Variants in C2CD2 observed in about 807,000 individuals in gnomAD.
C2CD2 encodes the protein C2 calcium dependent domain containing 2, also known as C2 domain-containing protein 2.
In C2CD2, 43 loss-of-function variants were observed where a neutral mutation model predicts 74.3. The ratio of observed to expected loss-of-function variants is 0.58; its 90% CI spans 0.45 to 0.75. C2CD2 has a LOEUF of 0.75. Among genes scored for constraint, C2CD2 ranks in the 30% least tolerant of loss-of-function variants. The pLI is 0.00. For missense variants in C2CD2, 801 were observed against 916.3 expected, an observed-to-expected ratio of 0.87 and a Z score of 1.63; for synonymous variants, 422 against 390.7, an observed-to-expected ratio of 1.08 and a Z score of -0.94.
chr21:41,937,405 C>T (rs1218887320), intron 2 of C2CD2, among the ~76,000 whole-genome samples: 1 of 152,254 alleles, frequency 6.6e-6, no homozygotes, highest in African/African-American at 2.4e-5. Flanking sequence ...GCATAAGCCA[C>T]CTTCACAACA....
chr21:41,938,742 CTTTTTTTT>C (rs58050288), intron 2 of C2CD2, among the ~76,000 whole-genome samples: 8 of 139,074 alleles, frequency 5.8e-5, no homozygotes, highest in African/African-American at 2.1e-4. Flanking sequence ...CTTGCTTTCT[CTTTTTTTT>C]TTTTTTTTTG....
rs2065392010 is a variant in C2CD2, at chr21:41,945,624, AT to A, written c.280-3380del. Among the ~76,000 whole-genome samples, 1 of 152,214 alleles carries A rather than the reference AT, an allele frequency of 6.6e-6. No homozygotes were observed. The highest frequency in any genetic ancestry group is 2.1e-4 in the South Asian group (1 of 4,830). On this transcript the variant is annotated intron_variant, in intron 1 of 13. Transcript: ENST00000380486. This position sits in a 1 kb window ranked among gnomAD's most constrained non-coding sequence, Gnocchi z 4.2. ...CGGTTTGGCTCTGTTTGTAACCACC[AT>A]GTGTCAAGAGAGGGACCTGTAATCC...
intron 12 of C2CD2, chr21:41,901,400 C>T: frequency 1.7e-6 from 1 of 596,284 alleles, no homozygotes; most frequent in Non-Finnish European, 3.0e-6. Flanking sequence ...GTAAAGCGTC[C>T]CTGATTAGAA....
Position 41,918,927 on chromosome 21 carries a change from G to C in C2CD2, c.526C>G (p.Leu176Val). 1 of 1,614,184 alleles carries C rather than the reference G, an allele frequency of 6.2e-7. No homozygotes were observed. The change falls in exon 4 of 14, where the codon CTC becomes GTC. Residue 176 changes from leucine (L) to valine (V), a missense_variant. Transcript: ENST00000380486. ...EFHMKEKRED[L>V]QISWSFISVP... ...CTGATGAAAGACCAGCTAATCTGGA[G>C]GTCCTCTCTCTTCTCCTTCATGTGG...
rs1393401637 is a variant in C2CD2, at chr21:41,886,029, TAAC to T, written c.*3092_*3094del. ...ACACACGCGTGTGTGCAAACACACA[TAAC>T]ACACACACACACTTAAAGCTCCATT... On this transcript the variant is annotated 3_prime_UTR_variant, in exon 14 of 14. Coordinates refer to ENST00000380486, the MANE Select transcript of C2CD2 (RefSeq NM_015500.2). 3.9e-5 allele frequency: 6 copies of T among 152,246 alleles called. No homozygotes were observed. Among genetic ancestry groups the T allele is most frequent in the South Asian group, 2.1e-4 (1 of 4,826 alleles). The allele number at this position is 152,246 out of a possible 1,614,324, so 9.4% of individuals were successfully genotyped here. A position where few individuals can be genotyped will look rare whatever the true frequency, so the allele number is the denominator to read the frequency against.
intron 11 of C2CD2, among the ~76,000 whole-genome samples, chr21:41,905,318 T>C (rs906687097): frequency 7.4e-6 from 1 of 134,420 alleles, no homozygotes; most frequent in Non-Finnish European, 1.5e-5. Context: ...AACTTTTTTT[T>C]TTTTTTTTTT....
rs1454558320 is a variant in C2CD2, at chr21:41,903,980, G to C, written c.1432+1744C>G. 5.3e-5 allele frequency among the ~76,000 whole-genome samples: 8 copies of C among 152,294 alleles called. No individual in the cohort carries two copies. The highest frequency in any genetic ancestry group is 3.9e-4 in the Admixed American group (6 of 15,312). On this transcript the variant is annotated intron_variant, in intron 11 of 13. Transcript: ENST00000380486. This position sits in a 1 kb window ranked among gnomAD's most constrained non-coding sequence, Gnocchi z 4.5. ...CCAGAGCGGCTCCAGCTCAAATAAG[G>C]GCTGGGCAAAATGAGGCTGGGATCC... is the stretch of plus-strand genomic sequence containing the variant.
chr21:41,910,343 A>G (rs545702170), intron 7 of C2CD2, among the ~76,000 whole-genome samples: 1 of 152,070 alleles, frequency 6.6e-6, no homozygotes, highest in South Asian at 2.1e-4. Context: ...TCTTACCCAT[A>G]TATCTTTGCA....
intron 2 of C2CD2, among the ~76,000 whole-genome samples, chr21:41,933,991 G>T (rs1846172692): frequency 6.6e-6 from 1 of 152,070 alleles, no homozygotes; most frequent in Admixed American, 6.6e-5. Context: ...AAGCTTCCGA[G>T]AACACTGTTA....
In C2CD2 at chr21:41,889,060, C is replaced by T. The variant is rs2064715772; in HGVS notation, c.*64G>A. The T allele has an allele frequency of 4.2e-6, 5 of 1,204,122 alleles. No homozygotes were observed. Among genetic ancestry groups the T allele is most frequent in the Admixed American group, 1.8e-5 (1 of 56,492 alleles). The allele number at this position is 1,204,122 out of a possible 1,614,324, so 74.6% of individuals were successfully genotyped here. A position where few individuals can be genotyped will look rare whatever the true frequency, so the allele number is the denominator to read the frequency against. On this transcript the variant is annotated 3_prime_UTR_variant, in exon 14 of 14. Coordinates refer to ENST00000380486, the MANE Select transcript of C2CD2 (RefSeq NM_015500.2). ...GGACATCCGGCGGACACACTGGCTGCGTCCTGGTGAGGGTAGTTAACATGG... is the reference window on the plus strand; with the variant it reads ...GGACATCCGGCGGACACACTGGCTGTGTCCTGGTGAGGGTAGTTAACATGG...
At chr21:41,894,777 T>C in intron 13 of C2CD2, 2 of 456,744 alleles carry the variant, frequency 4.4e-6, no homozygotes, top group South Asian at 3.1e-5. Flanking sequence ...AGCAGATTGT[T>C]CACTATCACC....
Position 41,947,112 on chromosome 21 carries a change from T to TTCTCTCTCTCTCTCTCTCTC in C2CD2, c.280-4887_280-4868dup, listed in dbSNP as rs147753254. On this transcript the variant is annotated intron_variant, in intron 1 of 13. Transcript: ENST00000380486. ...TTTCTTTCTTTCTTTCCTTTCTCTT[T>TTCTCTCTCTCTCTCTCTCTC]TCTCTCTCTCTCTCTCTCTCTCTCT... Among the ~76,000 whole-genome samples the TTCTCTCTCTCTCTCTCTCTC allele has an allele frequency of 8.2e-3, 214 of 26,194 alleles. 38 individuals are homozygous for TTCTCTCTCTCTCTCTCTCTC. Among genetic ancestry groups the TTCTCTCTCTCTCTCTCTCTC allele is most frequent in the Middle Eastern group, 0.025 (1 of 40 alleles). The allele number at this position is 26,194 out of a possible 152,430, so 17.2% of individuals were successfully genotyped here. A position where few individuals can be genotyped will look rare whatever the true frequency, so the allele number is the denominator to read the frequency against.
chr21:41,909,410 C>G, intron 8 of C2CD2, 49 bp downstream of exon 8: 2 of 1,287,620 alleles, frequency 1.6e-6, no homozygotes, highest in Non-Finnish European at 1.1e-6. Flanking sequence ...GGTCATGCAG[C>G]GGAGGACCTT....
At chr21:41,912,282 T>G (rs1256572348) in intron 7 of C2CD2, 50 bp downstream of exon 7, 3 of 1,195,510 alleles carry the variant, frequency 2.5e-6, no homozygotes, top group Non-Finnish European at 3.7e-6. Flanking sequence ...TTGGCGCTCC[T>G]GAACAGACAC....
chr21:41,911,252 C>G (rs895869324), intron 7 of C2CD2, among the ~76,000 whole-genome samples: 1 of 152,084 alleles, frequency 6.6e-6, no homozygotes, highest in South Asian at 2.1e-4. Flanking sequence ...AGAAAGCACA[C>G]ATACATCCTT....
chr21:41,936,393 T>C (rs1400767351), intron 2 of C2CD2, among the ~76,000 whole-genome samples: 2 of 152,162 alleles, frequency 1.3e-5, no homozygotes. Context: ...CAAGGAGATA[T>C]CACGTCAAAC....
At position 41,939,747 on chromosome 21, in the gene C2CD2, C is replaced by T. The variant is rs752068849; in HGVS notation, c.378+2400G>A. 6.6e-4 allele frequency among the ~76,000 whole-genome samples: 100 copies of T among 152,180 alleles called. 2 individuals carry two copies. The highest frequency in any genetic ancestry group is 4.4e-3 in the Admixed American group (67 of 15,272). On this transcript the variant is annotated intron_variant, in intron 2 of 13. Transcript: ENST00000380486. This position sits in a 1 kb window ranked among gnomAD's most constrained non-coding sequence, Gnocchi z 5.5. Reference sequence around the variant, plus strand: ...TCTAACAGCGTGGCTCCAGGACTGACGAGGGTATGCAGGAAGGAGAGCTCT... The same window carrying T: ...TCTAACAGCGTGGCTCCAGGACTGATGAGGGTATGCAGGAAGGAGAGCTCT...
At chr21:41,940,438 G>C (rs2065345224) in intron 2 of C2CD2, among the ~76,000 whole-genome samples, 4 of 152,224 alleles carry the variant, frequency 2.6e-5, no homozygotes, top group African/African-American at 9.6e-5. Flanking sequence ...CGTAAGAGGT[G>C]GGGTGAAGGG....
intron 2 of C2CD2, among the ~76,000 whole-genome samples, chr21:41,928,860 G>A (rs570639741): frequency 2.0e-4 from 31 of 152,320 alleles, no homozygotes; most frequent in Non-Finnish European, 7.3e-5. Context: ...GTCTGTAGCT[G>A]TGGTTTTACA....
Sources: allele counts gnomAD v4.1 joint callset (sites outside exome capture counted in the v4.1 genomes callset), GRCh38; gene constraint gnomAD v4.1.1; non-coding constraint Gnocchi (gnomAD v3.1); transcripts MANE v1.5; gene names NCBI Gene and HGNC (gene_info 2026-07-23, HGNC 2026-07-21).